The following KIF24 variants were observed in gnomAD, a reference collection of about 807,000 sequenced individuals.
The protein encoded by KIF24 is kinesin family member 24, also known as kinesin-like protein KIF24.
Under a neutral mutation model 118.9 loss-of-function variants are expected in KIF24, and 81 were observed. That is an observed-to-expected ratio of 0.68 (90% CI 0.57 to 0.82). KIF24 has a LOEUF of 0.82. Among genes scored for constraint, KIF24 ranks in the 40% least tolerant of loss-of-function variants. KIF24 has a pLI of 0.00. For missense variants in KIF24, 1,560 were observed against 1,661.6 expected, an observed-to-expected ratio of 0.94 and a Z score of 1.06; for synonymous variants, 599 against 610.0, an observed-to-expected ratio of 0.98 and a Z score of 0.27.
At chr9:34,303,553 A>C (rs1836804512) in intron 3 of KIF24, among the ~76,000 whole-genome samples, 2 of 152,198 alleles carry the variant, frequency 1.3e-5, no homozygotes, top group Admixed American at 1.3e-4. Context: ...TCATATTTAT[A>C]AATAAGATTG....
At position 34,259,760 on chromosome 9, in the gene KIF24, T is replaced by C. The variant is rs1834988113; in HGVS notation, c.1516-55A>G. On this transcript the variant is annotated intron_variant, in intron 9 of 12. Transcript: ENST00000402558. Reference sequence around the variant, plus strand: ...TGAAGTCAATTAACAAAGTGCATACTGACTACTTACTAGGTGCAGGATGCT... The same window carrying C: ...TGAAGTCAATTAACAAAGTGCATACCGACTACTTACTAGGTGCAGGATGCT... 2.7e-6 allele frequency: 3 copies of C among 1,127,732 alleles called. No homozygotes were observed. In the African/African-American group the frequency reaches 4.6e-5, roughly 17 times the overall value. 69.9% of individuals were successfully genotyped at this position (1,127,732 alleles called of 1,614,324 possible).
Position 34,290,362 on chromosome 9 carries a change from T to G in KIF24, c.939A>C (p.Gly313=), listed in dbSNP as rs377205878. ...TGTAGGTCTTTCCAGCACCTGTCTG[T>G]CCATAAGCAAAGCAAGTGGCATTGC... is the stretch of plus-strand genomic sequence containing the variant. ...NGGNATCFAY[G]QTGAGKTYTM... Residue 313 remains glycine (G), a synonymous_variant, in exon 5 of 13, where the codon GGA becomes GGC. Coordinates refer to ENST00000402558, the MANE Select transcript of KIF24 (RefSeq NM_194313.4). 22 of 1,610,430 alleles carry G rather than the reference T, an allele frequency of 1.4e-5. No individual in the cohort carries two copies. Among genetic ancestry groups the G allele is most frequent in the Non-Finnish European group, 1.7e-5 (20 of 1,177,344 alleles).
chr9:34,280,932 T>C (rs956539988), intron 6 of KIF24, among the ~76,000 whole-genome samples: 1 of 152,198 alleles, frequency 6.6e-6, no homozygotes, highest in Non-Finnish European at 1.5e-5. Context: ...ACCCTGTTAT[T>C]TGAAGATTAA....
intron 1 of KIF24, among the ~76,000 whole-genome samples, chr9:34,326,767 A>G (rs1192489553): frequency 2.6e-5 from 4 of 152,180 alleles, no homozygotes; most frequent in Non-Finnish European, 4.4e-5. Flanking sequence ...GCCACATAAA[A>G]GTGTCTGAAT....
At chr9:34,280,233 A>G (rs961118359) in intron 6 of KIF24, among the ~76,000 whole-genome samples, 53 of 139,204 alleles carry the variant, frequency 3.8e-4, no homozygotes, top group Non-Finnish European at 6.5e-4. Context: ...GCAGTGAGCC[A>G]AGATCCCGCC....
intron 12 of KIF24, among the ~76,000 whole-genome samples, 199 bp downstream of exon 12, chr9:34,254,873 G>C (rs1017155292): frequency 2.6e-5 from 4 of 152,188 alleles, no homozygotes; most frequent in Non-Finnish European, 5.9e-5. Context: ...GAAAAGGCGA[G>C]TGTTGCACCA....
intron 6 of KIF24, among the ~76,000 whole-genome samples, chr9:34,280,268 G>A (rs10814089): frequency 0.7 from 92,872 of 131,848 alleles, 34,368 homozygotes; most frequent in East Asian, 0.94. Flanking sequence ...TGGGCGACAG[G>A]GCGAGACTCC....
chr9:34,263,125 G>A lies in KIF24; in HGVS notation c.1491C>T (p.Pro497=), dbSNP rs912390580. The change falls in exon 9 of 13, where the codon CCC becomes CCT. Residue 497 remains proline, a synonymous_variant. Transcript: ENST00000402558. ...RALDQEHTHT[P]FRQSKLTQVL... ...CCTGAGTTAGTTTGCTTTGCCTGAA[G>A]GGAGTATGGGTGTGTTCCTGATCCA... 1 of 1,613,414 alleles carries A rather than the reference G, an allele frequency of 6.2e-7. No individual in the cohort carries two copies. The highest frequency in any genetic ancestry group is 8.5e-7 in the Non-Finnish European group (1 of 1,179,624).
chr9:34,319,104 T>G, intron 1 of KIF24: 1 of 1,386,820 alleles, frequency 7.2e-7, no homozygotes. Context: ...ACCGTGGGTG[T>G]CATGGTGATG....
chr9:34,298,510 C>CA (rs1277824947), intron 3 of KIF24, among the ~76,000 whole-genome samples: 20 of 150,488 alleles, frequency 1.3e-4, no homozygotes, highest in Non-Finnish European at 3.0e-4. Context: ...CGCACCATTG[C>CA]ACTCCAGCCT....
intron 8 of KIF24, among the ~76,000 whole-genome samples, chr9:34,268,755 GCCCTGGCCTC>G (rs1835389648): frequency 6.6e-6 from 1 of 152,016 alleles, no homozygotes; most frequent in South Asian, 2.1e-4. Context: ...TTATCCACCT[GCCCTGGCCTC>G]CCAAAGTGCT....
chr9:34,327,638 G>A (rs1295509138), intron 1 of KIF24, among the ~76,000 whole-genome samples: 2 of 152,062 alleles, frequency 1.3e-5, no homozygotes, highest in Non-Finnish European at 2.9e-5. Flanking sequence ...TTGGAAGGCT[G>A]AGAGTGTGTG....
At chr9:34,254,609 G>T in intron 12 of KIF24, 89 bp from the exon 13 acceptor site, 1 of 1,379,534 alleles carries the variant, frequency 7.2e-7, no homozygotes, top group Non-Finnish European at 1.0e-6. Context: ...TGGCAGGAAA[G>T]TTTCAGAACC....
chr9:34,310,651 T>C (rs1480488276), intron 2 of KIF24, 73 bp downstream of exon 2: 6 of 1,061,088 alleles, frequency 5.7e-6, no homozygotes, highest in Non-Finnish European at 8.3e-6. Flanking sequence ...TGCTGTCTGC[T>C]GGACATGAAG....
intron 2 of KIF24, among the ~76,000 whole-genome samples, chr9:34,308,139 T>C (rs1222283327): frequency 6.6e-6 from 1 of 152,158 alleles, no homozygotes; most frequent in Non-Finnish European, 1.5e-5. Context: ...TGGCTAATTT[T>C]TGTATTTTTG....
chr9:34,269,951 TG>T (rs888607465), intron 7 of KIF24, among the ~76,000 whole-genome samples: 8 of 151,492 alleles, frequency 5.3e-5, no homozygotes, highest in African/African-American at 1.9e-4. Flanking sequence ...TGGCTGGGTG[TG>T]GTGGCTCATG....
rs1300473671 is a variant in KIF24 at position 34,271,899 on chromosome 9, GT to G, written c.1246del (p.Thr416LeufsTer60). On this transcript the variant is annotated frameshift_variant, in exon 7 of 13. Transcript: ENST00000402558. LOFTEE classifies it high-confidence loss of function. ...GTCTGCATTAACTCCAGTGGCCCCA[GT>G]GCTGCGCTCCTTGCTGCCCTTTAAG... Reference protein sequence around the residue: ...VILKGSKERSTGATGVNADSS... With the variant: ...VILKGSKERSXGATGVNADSS... The G allele has an allele frequency of 1.2e-6, 2 of 1,605,656 alleles. No homozygotes were observed. The highest frequency in any genetic ancestry group is 2.2e-5 in the South Asian group (2 of 89,530).
chr9:34,298,385 A>T (rs1836566327), intron 3 of KIF24, among the ~76,000 whole-genome samples: 1 of 152,060 alleles, frequency 6.6e-6, no homozygotes, highest in Non-Finnish European at 1.5e-5. Flanking sequence ...TCTCTACTTA[A>T]ATTACAAAAA....
chr9:34,320,658 C>CAAAAAAA (rs68048466), intron 1 of KIF24, among the ~76,000 whole-genome samples: 20 of 54,422 alleles, frequency 3.7e-4, no homozygotes, highest in African/African-American at 1.4e-3. Context: ...AACTCCTTCT[C>CAAAAAAA]AAAAAAAAAA....
Sources: gnomAD v4.1 joint callset for allele counts (sites outside exome capture counted in the v4.1 genomes callset) on GRCh38, gnomAD v4.1.1 for gene constraint, MANE v1.5 for transcripts, NCBI Gene and HGNC (gene_info 2026-07-23, HGNC 2026-07-21) for gene names.